Variants in UNC13C observed in about 807,000 individuals in gnomAD.
The protein encoded by UNC13C is unc-13 homolog C.
Under a neutral mutation model 245.4 loss-of-function variants are expected in UNC13C, and 174 were observed. The observed-to-expected ratio is 0.71, with a 90% CI of 0.63 to 0.80. The LOEUF is 0.80. Ranked by LOEUF, UNC13C falls within the 30% of genes least tolerant of loss-of-function variation. UNC13C has a pLI of 0.00. For missense variants in UNC13C, 2,829 were observed against 2,602.9 expected (o/e 1.09, Z -1.89); for synonymous variants, 992 against 895.1 (o/e 1.11, Z -1.93).
intron 30 of UNC13C, among the ~76,000 whole-genome samples, chr15:54,572,941 T>C (rs2141225365): frequency 6.6e-6 from 1 of 152,236 alleles, no homozygotes; most frequent in South Asian, 2.1e-4. Context: ...TCCTTTCTCA[T>C]CTCCTTCTCT....
At chr15:54,459,344 A>G (rs7173085) in intron 19 of UNC13C, among the ~76,000 whole-genome samples, 62,326 of 151,618 alleles carry the variant, frequency 0.41, 13,053 homozygotes, top group East Asian at 0.62. Context: ...CTTCATCTTG[A>G]CTTTAGGTAA....
chr15:54,317,097 A>T (rs1474504585), intron 13 of UNC13C, among the ~76,000 whole-genome samples: 6 of 151,986 alleles, frequency 3.9e-5, no homozygotes, highest in Non-Finnish European at 8.8e-5. Context: ...AAACTCTTAG[A>T]ATAAATTATA....
chr15:54,300,187 A>C (rs2037540026), intron 12 of UNC13C, 23 bp from the exon 13 acceptor site: 2 of 1,584,580 alleles, frequency 1.3e-6, no homozygotes, highest in African/African-American at 2.7e-5. Flanking sequence ...ATCACTGAAC[A>C]ATTAAAAACC....
At chr15:54,438,600 C>T (rs1446664265) in intron 19 of UNC13C, among the ~76,000 whole-genome samples, 2 of 151,988 alleles carry the variant, frequency 1.3e-5, no homozygotes, top group Non-Finnish European at 2.9e-5. Flanking sequence ...TTCTTGCCAT[C>T]AAGGCATAAT....
chr15:54,288,603 G>C (rs1330372872), intron 10 of UNC13C, among the ~76,000 whole-genome samples: 1 of 151,842 alleles, frequency 6.6e-6, no homozygotes, highest in Non-Finnish European at 1.5e-5. Flanking sequence ...ATCTCTAGTT[G>C]CAGGGGAGGT....
At chr15:54,305,140 A>G (rs2037693095) in intron 13 of UNC13C, among the ~76,000 whole-genome samples, 1 of 152,090 alleles carries the variant, frequency 6.6e-6, no homozygotes, top group African/African-American at 2.4e-5. Context: ...GTCAGTACAT[A>G]TTTGCAATTG....
At chr15:54,273,928 G>C (rs768767105) in intron 10 of UNC13C, among the ~76,000 whole-genome samples, 2 of 152,112 alleles carry the variant, frequency 1.3e-5, no homozygotes, top group Non-Finnish European at 2.9e-5. Flanking sequence ...GTAAAATTCA[G>C]CTTTCTGAGC....
intron 2 of UNC13C, among the ~76,000 whole-genome samples, chr15:54,083,922 G>A (rs1164846977): frequency 1.3e-5 from 2 of 152,204 alleles, no homozygotes; most frequent in Non-Finnish European, 2.9e-5. Context: ...TGAGTGGGAT[G>A]GGGGAACCTC....
intron 27 of UNC13C, among the ~76,000 whole-genome samples, chr15:54,548,645 A>G (rs1024106906): frequency 1.3e-5 from 2 of 151,994 alleles, no homozygotes; most frequent in African/African-American, 4.8e-5. Flanking sequence ...TATTATTTTT[A>G]GTGTGCAATT....
chr15:54,049,058 A>G (rs773800603), intron 2 of UNC13C: 15 of 381,432 alleles, frequency 3.9e-5, no homozygotes, highest in Non-Finnish European at 6.2e-5. Flanking sequence ...AGATATCTCT[A>G]TTTTTATCAA....
chr15:54,125,737 A>G (rs1015465643), intron 2 of UNC13C, among the ~76,000 whole-genome samples: 5 of 152,062 alleles, frequency 3.3e-5, no homozygotes, highest in African/African-American at 1.2e-4. Flanking sequence ...TATTTGGTAC[A>G]TGTTCATTTT....
intron 22 of UNC13C, among the ~76,000 whole-genome samples, chr15:54,501,724 T>A (rs541716074): frequency 7.3e-4 from 111 of 152,104 alleles, no homozygotes; most frequent in Admixed American, 1.2e-3. Flanking sequence ...TGGAGGGAAA[T>A]CTGATGAGAG....
intron 30 of UNC13C, among the ~76,000 whole-genome samples, chr15:54,599,198 A>G (rs1055772933): frequency 1.3e-5 from 2 of 152,086 alleles, no homozygotes; most frequent in African/African-American, 4.8e-5. Flanking sequence ...CATCTTACCA[A>G]TGAAGAGAAA....
chr15:54,428,858 C>T (rs2040810494), intron 19 of UNC13C, among the ~76,000 whole-genome samples: 1 of 151,618 alleles, frequency 6.6e-6, no homozygotes, highest in South Asian at 2.1e-4. Flanking sequence ...ATGGTGCTTC[C>T]TGACTCCTGC....
At chr15:54,254,935 AT>A (rs2036241883) in intron 8 of UNC13C, among the ~76,000 whole-genome samples, 1 of 152,136 alleles carries the variant, frequency 6.6e-6, no homozygotes, top group Non-Finnish European at 1.5e-5. Flanking sequence ...AGGACCCGCC[AT>A]CTACAGCCAA....
At chr15:54,578,727 G>A (rs1350405913) in intron 30 of UNC13C, among the ~76,000 whole-genome samples, 2 of 152,192 alleles carry the variant, frequency 1.3e-5, no homozygotes, top group African/African-American at 4.8e-5. Context: ...CATGGCTCAC[G>A]CCTGTAATCC....
intron 29 of UNC13C, among the ~76,000 whole-genome samples, chr15:54,566,873 G>A (rs1184797315): frequency 6.6e-6 from 1 of 152,180 alleles, no homozygotes; most frequent in Admixed American, 6.6e-5. Context: ...ATTTCGTTCT[G>A]TGCTAATTAT....
the UNC13C span, among the ~76,000 whole-genome samples, chr15:53,923,818 T>A: frequency 6.6e-6 from 1 of 152,216 alleles, no homozygotes; most frequent in East Asian, 1.9e-4. Context: ...CACATTTGGA[T>A]AGATGGAGCT....
intron 4 of UNC13C, among the ~76,000 whole-genome samples, chr15:54,204,946 A>T (rs925225756): frequency 6.6e-6 from 1 of 152,014 alleles, no homozygotes; most frequent in Admixed American, 6.6e-5. Context: ...AACAGTTTCA[A>T]TGTCATGTTA....
Sources: allele counts gnomAD v4.1 joint callset (sites outside exome capture counted in the v4.1 genomes callset), GRCh38; gene constraint gnomAD v4.1.1; transcripts MANE v1.5; gene names NCBI Gene and HGNC (gene_info 2026-07-23, HGNC 2026-07-21).